RNF128: variants seen among roughly 807,000 people sequenced by gnomAD.
The protein encoded by RNF128 is ring finger protein 128, also known as E3 ubiquitin-protein ligase RNF128.
In RNF128, 13 loss-of-function variants were observed where a neutral mutation model predicts 26.2. That is an observed-to-expected ratio of 0.50 (90% confidence interval 0.32 to 0.79). The LOEUF (loss-of-function observed/expected upper bound fraction) is 0.79, where lower values mean the gene tolerates loss of function less well. Ranked by LOEUF, RNF128 falls within the 30% of genes least tolerant of loss-of-function variation. The pLI is 0.03. For synonymous variants in RNF128, 149 were observed against 142.5 expected (o/e 1.05, Z -0.32); for missense variants, 315 against 349.7 (o/e 0.90, Z 0.79).
intron 1 of RNF128, among the ~76,000 whole-genome samples, chrX:106,764,299 G>C (rs1930176777): frequency 9.0e-6 from 1 of 110,687 alleles, no homozygotes; most frequent in Non-Finnish European, 1.9e-5. Context: ...TGACCACAAT[G>C]GCCCATGTGT....
At chrX:106,733,291 G>A (rs1201840006) in intron 1 of RNF128, among the ~76,000 whole-genome samples, 5 of 110,858 alleles carry the variant, frequency 4.5e-5, no homozygotes, top group Non-Finnish European at 9.4e-5. Context: ...CTTGATCAGT[G>A]AATTGTTTTC....
intron 1 of RNF128, among the ~76,000 whole-genome samples, chrX:106,714,681 G>A (rs1235513989): frequency 8.9e-6 from 1 of 111,765 alleles, no homozygotes; most frequent in African/African-American, 3.3e-5. Flanking sequence ...CCTTCGTATT[G>A]TCCCTTTATA....
chrX:106,791,147 G>A lies in RNF128; in HGVS notation c.1066G>A (p.Asp356Asn), dbSNP rs897604977. Reference protein sequence around the residue: ...ISNSASSHEEDNRSETASSGY... With the variant: ...ISNSASSHEENNRSETASSGY... ...TAATAGTGCCTCCTCCCATGAAGAG[G>A]ATAATCGCAGCGAGACCGCATCATC... Residue 356 changes from aspartate to asparagine, a missense_variant, in exon 6 of 7, where the codon GAT becomes AAT. Coordinates refer to ENST00000255499, the MANE Select transcript of RNF128 (RefSeq NM_194463.2). 8.3e-7 allele frequency: 1 copy of A among 1,209,382 alleles called. No homozygotes were observed. Among genetic ancestry groups the A allele is most frequent in the African/African-American group, 1.7e-5 (1 of 57,581 alleles).
intron 1 of RNF128, among the ~76,000 whole-genome samples, chrX:106,729,788 C>G (rs981198091): frequency 1.8e-5 from 2 of 111,866 alleles, no homozygotes; most frequent in African/African-American, 6.5e-5. Context: ...GGGAAAATCA[C>G]TGCATATTAT....
chrX:106,751,295 G>A (rs1001055434), intron 1 of RNF128, among the ~76,000 whole-genome samples: 2 of 110,893 alleles, frequency 1.8e-5, no homozygotes, highest in African/African-American at 6.6e-5. Flanking sequence ...CACAGTGATT[G>A]TGGGACTTTG....
intron 2 of RNF128, among the ~76,000 whole-genome samples, chrX:106,777,235 TGAA>T (rs1299033675): frequency 2.7e-5 from 3 of 111,979 alleles, no homozygotes; most frequent in Non-Finnish European, 3.8e-5. Context: ...GTGACTGGCA[TGAA>T]GAAGAAGTAG....
intron 1 of RNF128, among the ~76,000 whole-genome samples, chrX:106,697,701 T>G: frequency 9.0e-6 from 1 of 111,428 alleles, no homozygotes; most frequent in East Asian, 2.8e-4. Context: ...TCCAGTCTAT[T>G]TACAGCCTCC....
chrX:106,795,793 A>G lies in RNF128; in HGVS notation c.*80A>G, dbSNP rs1930906648. ...GGCCTAGTTTCTATTAATAAATTGGATAAATTTAATAAAATAAGAGTGATA... is the reference window on the plus strand; with the variant it reads ...GGCCTAGTTTCTATTAATAAATTGGGTAAATTTAATAAAATAAGAGTGATA... On this transcript the variant is annotated 3_prime_UTR_variant, in exon 7 of 7. Transcript: ENST00000255499. 3.7e-6 allele frequency: 3 copies of G among 817,433 alleles called. No homozygotes were observed. The highest frequency in any genetic ancestry group is 5.1e-6 in the Non-Finnish European group (3 of 587,676). 67.4% of individuals were successfully genotyped at this position (817,433 alleles called of 1,213,427 possible).
In RNF128 at chrX:106,711,899, G is replaced by T. The variant is rs1011398842; in HGVS notation, c.406+17491G>T. Among the ~76,000 whole-genome samples, 6 of 111,547 alleles carry T rather than the reference G, an allele frequency of 5.4e-5. No individual in the cohort carries two copies. The East Asian group carries it at 1.7e-3, about 31-fold the overall frequency. ...GAATAAAACAAAAATCAATCTAATT[G>T]ATTATTTTAAAACTAAGCATCTTGA... On this transcript the variant is annotated intron_variant, in intron 1 of 6. Transcript: ENST00000324342.
chrX:106,702,432 A>G (rs1191192609), intron 1 of RNF128, among the ~76,000 whole-genome samples: 1 of 111,502 alleles, frequency 9.0e-6, no homozygotes, highest in Non-Finnish European at 1.9e-5. Flanking sequence ...CAATTATTAG[A>G]AAAGAGTGTG....
chrX:106,721,649 G>A (rs768445561), intron 1 of RNF128, among the ~76,000 whole-genome samples: 36 of 111,760 alleles, frequency 3.2e-4, no homozygotes, highest in Non-Finnish European at 4.3e-4. Flanking sequence ...CTCCCTCAAT[G>A]GTCACAGTGC....
At chrX:106,698,244 A>G (rs1199355522) in intron 1 of RNF128, among the ~76,000 whole-genome samples, 2 of 108,763 alleles carry the variant, frequency 1.8e-5, no homozygotes, top group Non-Finnish European at 3.8e-5. Flanking sequence ...AGAAATGCTT[A>G]GATTTGGATG....
At chrX:106,700,071 G>T (rs1443796993) in intron 1 of RNF128, among the ~76,000 whole-genome samples, 1 of 106,588 alleles carries the variant, frequency 9.4e-6, no homozygotes, top group Non-Finnish European at 1.9e-5. Flanking sequence ...ACCCAGGCTG[G>T]AGTGCAGTGA....
chrX:106,729,630 C>T (rs775189524), intron 1 of RNF128, among the ~76,000 whole-genome samples: 8 of 111,103 alleles, frequency 7.2e-5, no homozygotes, highest in African/African-American at 9.8e-5. Context: ...TTCAGAAAAG[C>T]ATTTTGATAC....
chrX:106,737,647 C>A (rs1454635051), intron 1 of RNF128, among the ~76,000 whole-genome samples: 1 of 111,433 alleles, frequency 9.0e-6, no homozygotes, highest in African/African-American at 3.3e-5. Flanking sequence ...ATGCAGAACT[C>A]ATGGATATGG....
chrX:106,767,767 G>A (rs1354633851), intron 1 of RNF128, among the ~76,000 whole-genome samples: 1 of 111,801 alleles, frequency 8.9e-6, no homozygotes, highest in Non-Finnish European at 1.9e-5. Context: ...TAGGAGTGGT[G>A]AGAAAGGGCA....
In RNF128 at chrX:106,726,935, G is replaced by A. The variant is rs1283709619; in HGVS notation, c.22G>A (p.Gly8Arg). The change falls in exon 1 of 7, where the codon GGG becomes AGG. Residue 8 changes from glycine to arginine, a missense_variant. Physicochemically the swap from Gly to Arg is moderately radical, Grantham distance 125. Transcript: ENST00000255499. ...CGCCATGGGGCCGCCGCCTGGGGCC[G>A]GGGTCTCCTGCCGCGGTGGCTGCGG... MGPPPGA[G>R]VSCRGGCGFS... 8.5e-7 allele frequency: 1 copy of A among 1,179,523 alleles called. No homozygotes were observed.
At chrX:106,694,552 C>T (rs906448823) in intron 1 of RNF128, 1 of 333,224 alleles carries the variant, frequency 3.0e-6, no homozygotes, top group Non-Finnish European at 5.1e-6. Flanking sequence ...CTTGTAATTA[C>T]TTTATTATTA....
At chrX:106,766,260 T>C (rs1930236609) in intron 1 of RNF128, among the ~76,000 whole-genome samples, 3 of 111,957 alleles carry the variant, frequency 2.7e-5, no homozygotes, top group Admixed American at 1.9e-4. Flanking sequence ...CAAATGGTAT[T>C]TCTAGTTCTA....
Sources: gnomAD v4.1 joint callset for allele counts (sites outside exome capture counted in the v4.1 genomes callset) on GRCh38, gnomAD v4.1.1 for gene constraint, MANE v1.5 for transcripts, NCBI Gene and HGNC (gene_info 2026-07-23, HGNC 2026-07-21) for gene names.